NCKAP5: variants seen among roughly 807,000 people sequenced by gnomAD.
The protein encoded by NCKAP5 is NCK associated protein 5.
In NCKAP5, 92 loss-of-function variants were observed where a neutral mutation model predicts 167.0. The observed-to-expected ratio is 0.55, with a 90% CI of 0.47 to 0.66. The LOEUF (loss-of-function observed/expected upper bound fraction) is 0.66, where lower values mean the gene tolerates loss of function less well. Among genes scored for constraint, NCKAP5 ranks in the 30% least tolerant of loss-of-function variants. NCKAP5 has a pLI of 0.00. For synonymous variants in NCKAP5, 891 were observed against 877.4 expected (o/e 1.02, Z -0.27); for missense variants, 2,378 against 2,315.0 (o/e 1.03, Z -0.56).
At chr2:132,881,427 G>A (rs544034437) in intron 8 of NCKAP5, among the ~76,000 whole-genome samples, 65 of 152,006 alleles carry the variant, frequency 4.3e-4, no homozygotes, top group African/African-American at 1.2e-3. Context: ...TGCCCGCCTC[G>A]GCCTCCCAAA....
Position 133,335,438 on chromosome 2 carries a change from G to A in NCKAP5, c.70-32328C>T, listed in dbSNP as rs146673341. On this transcript the variant is annotated intron_variant, in intron 3 of 19. Coordinates refer to ENST00000409261, the MANE Select transcript of NCKAP5 (RefSeq NM_207363.3). Reference sequence around the variant, plus strand: ...TTCCTTTAGTTGGATAATTGCAAGCGAAAATTTTGGATATTACCATTCATG... The same window carrying A: ...TTCCTTTAGTTGGATAATTGCAAGCAAAAATTTTGGATATTACCATTCATG... Among the ~76,000 whole-genome samples the A allele has an allele frequency of 7.5e-3, 1,139 of 152,216 alleles. 17 individuals carry two copies. The highest frequency in any genetic ancestry group is 0.024 in the African/African-American group (985 of 41,544).
At chr2:133,189,615 C>T (rs914037177) in intron 5 of NCKAP5, among the ~76,000 whole-genome samples, 11 of 152,178 alleles carry the variant, frequency 7.2e-5, no homozygotes, top group African/African-American at 2.4e-4. Flanking sequence ...CCCTGGGATG[C>T]AAGGCTGGTT....
intron 19 of NCKAP5, among the ~76,000 whole-genome samples, chr2:132,677,539 G>T (rs1684650891): frequency 6.6e-6 from 1 of 152,004 alleles, no homozygotes; most frequent in South Asian, 2.1e-4. Context: ...GGGTGCTCTT[G>T]GAATGGTTTT....
chr2:133,137,406 T>TTGTGTGTGTGTG (rs58955655), intron 5 of NCKAP5, among the ~76,000 whole-genome samples: 1,485 of 136,228 alleles, frequency 0.011, 14 homozygotes, highest in Non-Finnish European at 0.015. Context: ...GAGCTTGGTT[T>TTGTGTGTGTGTG]TGTGTGTGTG....
intron 8 of NCKAP5, among the ~76,000 whole-genome samples, chr2:132,948,615 G>A (rs2076069008): frequency 6.6e-6 from 1 of 152,150 alleles, no homozygotes. Context: ...AGCCCCAAAG[G>A]AGAGGCTGTA....
intron 6 of NCKAP5, among the ~76,000 whole-genome samples, chr2:133,102,074 T>G (rs2081531760): frequency 6.6e-6 from 1 of 152,224 alleles, no homozygotes. Context: ...GCAATGATTA[T>G]AGGAGAAAGC....
At chr2:132,806,117 T>C (rs1380755971) in intron 11 of NCKAP5, among the ~76,000 whole-genome samples, 2 of 152,214 alleles carry the variant, frequency 1.3e-5, no homozygotes, top group African/African-American at 2.4e-5. Flanking sequence ...CGTTCCTTTT[T>C]ATGGCTGTGT....
intron 5 of NCKAP5, among the ~76,000 whole-genome samples, chr2:133,149,642 GT>G (rs2083315242): frequency 6.6e-6 from 1 of 152,042 alleles, no homozygotes; most frequent in African/African-American, 2.4e-5. Context: ...ATGGTGATTT[GT>G]TTTCTTAATC....
intron 3 of NCKAP5, among the ~76,000 whole-genome samples, chr2:133,382,336 C>A (rs913280285): frequency 3.9e-5 from 6 of 152,098 alleles, no homozygotes; most frequent in Non-Finnish European, 8.8e-5. Context: ...GTATTATGCC[C>A]CTCCCTCGAA....
intron 16 of NCKAP5, among the ~76,000 whole-genome samples, chr2:132,744,635 TAA>T (rs74799315): frequency 0.064 from 9,291 of 145,312 alleles, 957 homozygotes; most frequent in African/African-American, 0.22. Context: ...TTAAGAAAAT[TAA>T]AAAAAAAAAC....
intron 8 of NCKAP5, among the ~76,000 whole-genome samples, chr2:132,939,596 C>T (rs1030491541): frequency 1.3e-5 from 2 of 151,624 alleles, no homozygotes; most frequent in Non-Finnish European, 2.9e-5. Flanking sequence ...TTTTTTATTT[C>T]AATAGATTTT....
intron 6 of NCKAP5, among the ~76,000 whole-genome samples, chr2:133,045,669 G>A (rs2079375490): frequency 6.6e-6 from 1 of 152,134 alleles, no homozygotes; most frequent in African/African-American, 2.4e-5. Context: ...TTGTGATAAA[G>A]TTTAACTTAC....
chr2:133,186,440 G>T (rs752710633), intron 5 of NCKAP5, among the ~76,000 whole-genome samples: 41 of 152,092 alleles, frequency 2.7e-4, no homozygotes, highest in Admixed American at 6.6e-5. Context: ...TCTCTGCAAG[G>T]TTTTAGTATC....
intron 4 of NCKAP5, among the ~76,000 whole-genome samples, chr2:133,235,932 G>A (rs1184976633): frequency 4.6e-5 from 7 of 150,924 alleles, no homozygotes; most frequent in African/African-American, 1.7e-4. Flanking sequence ...CAAAAAAATG[G>A]TGGCTTGTGC....
chr2:133,178,651 C>A (rs925838268), intron 5 of NCKAP5, among the ~76,000 whole-genome samples: 1 of 150,604 alleles, frequency 6.6e-6, no homozygotes, highest in Admixed American at 6.6e-5. Context: ...CGGTGAAAAC[C>A]TGTCTCTACT....
intron 5 of NCKAP5, among the ~76,000 whole-genome samples, chr2:133,155,583 C>T (rs1266807677): frequency 6.6e-6 from 1 of 152,166 alleles, no homozygotes; most frequent in Non-Finnish European, 1.5e-5. Flanking sequence ...GCCACCAGTA[C>T]CCAGATATTT....
At chr2:133,613,168 C>G in the NCKAP5 span, among the ~76,000 whole-genome samples, 4 of 152,132 alleles carry the variant, frequency 2.6e-5, no homozygotes, top group South Asian at 8.3e-4. Flanking sequence ...AAGTCAAAAT[C>G]TACATCTAAT....
In NCKAP5 at chr2:132,783,154, T is replaced by C; in HGVS notation, c.3657A>G (p.Leu1219=). The C allele has an allele frequency of 1.2e-6, 2 of 1,613,586 alleles. No individual in the cohort carries two copies. The highest frequency in any genetic ancestry group is 1.7e-6 in the Non-Finnish European group (2 of 1,179,722). ...CTGTTTCCAGGGGAAGCCCATCAGC[T>C]AAACTGCCCTGTGCTTGTGAATCCG... ...TLPDSQAQGS[L]ADGLPLETAL... Residue 1219 remains leucine (L), a synonymous_variant, in exon 14 of 20, where the codon TTA becomes TTG. Transcript: ENST00000409261.
At chr2:133,165,889 C>T (rs1055413615) in intron 5 of NCKAP5, among the ~76,000 whole-genome samples, 5 of 152,146 alleles carry the variant, frequency 3.3e-5, no homozygotes, top group Admixed American at 1.3e-4. Flanking sequence ...TCAGTTTATA[C>T]AAAGATTATA....
Sources: allele counts gnomAD v4.1 joint callset (sites outside exome capture counted in the v4.1 genomes callset), GRCh38; gene constraint gnomAD v4.1.1; transcripts MANE v1.5; gene names NCBI Gene and HGNC (gene_info 2026-07-23, HGNC 2026-07-21).